The following DYNLT1 variants were observed in gnomAD, a reference collection of about 807,000 sequenced individuals.
The protein encoded by DYNLT1 is dynein light chain Tctex-type 1.
DYNLT1 carries 18 observed loss-of-function variants against 19.6 expected under a neutral mutation model. That is an observed-to-expected ratio of 0.92 (90% CI 0.64 to 1.36). The LOEUF (loss-of-function observed/expected upper bound fraction) is 1.36. Ranked by LOEUF, DYNLT1 falls within the 40% of genes most tolerant of loss-of-function variation. DYNLT1 has a pLI of 0.00. For missense variants in DYNLT1, 137 were observed against 139.3 expected (o/e 0.98, Z 0.08); for synonymous variants, 56 against 44.0 (o/e 1.27, Z -1.07).
chr6:158,643,651 T>C (rs1204739736), intron 1 of DYNLT1, among the ~76,000 whole-genome samples: 1 of 152,130 alleles, frequency 6.6e-6, no homozygotes, highest in Non-Finnish European at 1.5e-5. Flanking sequence ...CCGGCTAATT[T>C]TGTATTTTTA....
chr6:158,637,172 C>A lies in DYNLT1; in HGVS notation c.227G>T (p.Gly76Val). 1 of 1,614,192 alleles carries A rather than the reference C, an allele frequency of 6.2e-7. No individual in the cohort carries two copies. The highest frequency in any genetic ancestry group is 8.5e-7 in the Non-Finnish European group (1 of 1,180,020). Residue 76 changes from glycine (G) to valine (V), a missense_variant, in exon 4 of 5, where the codon GGA (glycine) becomes GTA (valine). Gly to Val is a moderately radical substitution (Grantham distance 109, BLOSUM62 -3). Transcript: ENST00000367089. ...TCVIMQKNGA[G>V]LHTASSCFWD... Reference sequence around the variant, plus strand: ...GAAGCAGGAACTTGCTGTGTGTAATCCAGCTCCATTCTTCTGCATAATTAC... The same window carrying A: ...GAAGCAGGAACTTGCTGTGTGTAATACAGCTCCATTCTTCTGCATAATTAC...
intron 1 of DYNLT1, 40 bp from the exon 2 acceptor site, chr6:158,641,400 A>C: frequency 6.5e-7 from 1 of 1,548,130 alleles, no homozygotes; most frequent in Non-Finnish European, 8.8e-7. Flanking sequence ...ATTTATTTAA[A>C]AGATATTTCC....
At chr6:158,643,580 CA>C (rs372183755) in intron 1 of DYNLT1, among the ~76,000 whole-genome samples, 2 of 152,166 alleles carry the variant, frequency 1.3e-5, no homozygotes, top group African/African-American at 4.8e-5. Flanking sequence ...CTCCCAGGTT[CA>C]AGGGATTCTC....
At position 158,636,570 on chromosome 6, in the gene DYNLT1, GATTTCAGATTTTAGCACCTTTGAA is replaced by G; in HGVS notation, c.*233_*256del. The G allele has an allele frequency of 2.3e-6, 1 of 434,086 alleles. No homozygotes were observed. The allele number at this position is 434,086 out of a possible 1,614,324, so 26.9% of individuals were successfully genotyped here. ...GAGTAGAGCAAGTTTCACACTAGCA[GATTTCAGATTTTAGCACCTTTGAA>G]ATGAAATATTCAGAGTTAAGACAAG... On this transcript the variant is annotated 3_prime_UTR_variant, in exon 5 of 5. Coordinates refer to ENST00000367089, the MANE Select transcript of DYNLT1 (RefSeq NM_006519.4).
intron 2 of DYNLT1, 23 bp downstream of exon 2, chr6:158,641,296 G>A (rs758410847): frequency 1.6e-5 from 25 of 1,580,764 alleles, no homozygotes; most frequent in Non-Finnish European, 2.1e-5. Flanking sequence ...AAACATTTAA[G>A]AAGTGAGCAT....
intron 1 of DYNLT1, 75 bp from the exon 2 acceptor site, chr6:158,641,435 G>A: frequency 3.1e-6 from 4 of 1,298,644 alleles, no homozygotes; most frequent in Non-Finnish European, 3.2e-6. Flanking sequence ...TGCAAATGTA[G>A]GTAATGAACA....
At chr6:158,637,283 A>G in intron 3 of DYNLT1, 78 bp from the exon 4 acceptor site, 2 of 1,305,024 alleles carry the variant, frequency 1.5e-6, no homozygotes, top group South Asian at 1.2e-5. Context: ...TAGCAAACGT[A>G]CAATGTATGT....
chr6:158,644,298 G>A (rs1020419293), intron 1 of DYNLT1, among the ~76,000 whole-genome samples: 1 of 151,820 alleles, frequency 6.6e-6, no homozygotes, highest in African/African-American at 2.4e-5. Context: ...TCCAGGCTGG[G>A]GCTGGGGCTG....
chr6:158,640,640 C>G (rs147482016), intron 2 of DYNLT1, among the ~76,000 whole-genome samples: 2 of 152,128 alleles, frequency 1.3e-5, no homozygotes, highest in Non-Finnish European at 2.9e-5. Context: ...GATTTCAGCT[C>G]GAAATGGTCC....
chr6:158,636,808 C>A lies in DYNLT1; in HGVS notation c.*19G>T, dbSNP rs1160074790. Reference sequence around the variant, plus strand: ...TGAACTAGAGACAAAAGGAGAAAGGCCATAGGCTGGACTGCAGGTCAAATA... The same window carrying A: ...TGAACTAGAGACAAAAGGAGAAAGGACATAGGCTGGACTGCAGGTCAAATA... On this transcript the variant is annotated 3_prime_UTR_variant, in exon 5 of 5. Coordinates refer to ENST00000367089, the MANE Select transcript of DYNLT1 (RefSeq NM_006519.4). 1.9e-6 allele frequency: 3 copies of A among 1,604,864 alleles called. No individual in the cohort carries two copies. The highest frequency in any genetic ancestry group is 2.6e-6 in the Non-Finnish European group (3 of 1,175,704).
Position 158,637,262 on chromosome 6 carries a change from C to G in DYNLT1, c.194-57G>C, listed in dbSNP as rs1320324878. On this transcript the variant is annotated intron_variant, in intron 3 of 4. Transcript: ENST00000367089. ...TCTACTGGGTAACACAAATGTCATT[C>G]TGTCCACTTTTAGCAAACGTACAAT... 2.6e-6 allele frequency: 4 copies of G among 1,520,172 alleles called. No homozygotes were observed. In the East Asian group the frequency reaches 6.8e-5, roughly 26 times the overall value. The allele number at this position is 1,520,172 out of a possible 1,614,324, so 94.2% of individuals were successfully genotyped here. A position where few individuals can be genotyped will look rare whatever the true frequency, so the allele number is the denominator to read the frequency against.
intron 1 of DYNLT1, 51 bp downstream of exon 1, chr6:158,644,631 C>A (rs752388760): frequency 6.2e-7 from 1 of 1,608,278 alleles, no homozygotes; most frequent in Non-Finnish European, 8.5e-7. Flanking sequence ...CGTGTCCTTC[C>A]GCGGCCAGGG....
chr6:158,637,594 T>C (rs1787039812), intron 3 of DYNLT1, 177 bp downstream of exon 3: 3 of 914,670 alleles, frequency 3.3e-6, no homozygotes, highest in Non-Finnish European at 3.4e-6. Flanking sequence ...CGATCTGCAA[T>C]TGTACCAGCA....
chr6:158,637,462 C>A, intron 3 of DYNLT1: 1 of 612,792 alleles, frequency 1.6e-6, no homozygotes, highest in Non-Finnish European at 2.9e-6. Context: ...CCTGGTAAAT[C>A]CATCAAAGTT....
Position 158,637,084 on chromosome 6 carries a change from T to C in DYNLT1, c.271+44A>G. ...CAAAGATAGGAAACTTCCAGTCATA[T>C]ATTTCACACAACAAAACTTCACAAA... On this transcript the variant is annotated intron_variant, in intron 4 of 4. Coordinates refer to ENST00000367089, the MANE Select transcript of DYNLT1 (RefSeq NM_006519.4). 1.1e-5 allele frequency: 18 copies of C among 1,610,922 alleles called. No individual in the cohort carries two copies. In the African/African-American group the frequency reaches 1.2e-4, roughly 11 times the overall value.
chr6:158,637,043 A>G, intron 4 of DYNLT1, 85 bp downstream of exon 4: 3 of 1,567,188 alleles, frequency 1.9e-6, no homozygotes, highest in South Asian at 1.1e-5. Context: ...AAAAGGTGAT[A>G]AACATGCATT....
intron 3 of DYNLT1, 176 bp from the exon 4 acceptor site, chr6:158,637,381 C>T: frequency 1.6e-6 from 1 of 640,958 alleles, no homozygotes; most frequent in Non-Finnish European, 2.8e-6. Context: ...TGCTCCTTGA[C>T]TTACAACATC....
Position 158,636,684 on chromosome 6 carries a change from A to G in DYNLT1, c.*143T>C, listed in dbSNP as rs1787004130. 4.5e-6 allele frequency: 4 copies of G among 892,456 alleles called. No individual in the cohort carries two copies. Among genetic ancestry groups the G allele is most frequent in the Non-Finnish European group, 6.8e-6 (4 of 588,214 alleles). 55.3% of individuals were successfully genotyped at this position (892,456 alleles called of 1,614,324 possible). On this transcript the variant is annotated 3_prime_UTR_variant, in exon 5 of 5. Coordinates refer to ENST00000367089, the MANE Select transcript of DYNLT1 (RefSeq NM_006519.4). Reference sequence around the variant, plus strand: ...CTGACTTCGGTGCCATTCACATCACAGTGCGGTCATTTGGTTTTTTCCTCT... The same window carrying G: ...CTGACTTCGGTGCCATTCACATCACGGTGCGGTCATTTGGTTTTTTCCTCT...
chr6:158,640,176 C>T (rs1189593363), intron 2 of DYNLT1, among the ~76,000 whole-genome samples: 1 of 152,098 alleles, frequency 6.6e-6, no homozygotes, highest in Non-Finnish European at 1.5e-5. Context: ...ACCATGAAAA[C>T]CAAACGTACA....
Sources: allele counts gnomAD v4.1 joint callset (sites outside exome capture counted in the v4.1 genomes callset), GRCh38; gene constraint gnomAD v4.1.1; transcripts MANE v1.5; gene names NCBI Gene and HGNC (gene_info 2026-07-23, HGNC 2026-07-21).